The following FLYWCH1 variants were observed in gnomAD, a reference collection of about 807,000 sequenced individuals.
FLYWCH1 encodes the protein FLYWCH-type zinc finger 1, also known as FLYWCH-type zinc finger-containing protein 1.
A neutral mutation model predicts 66.4 loss-of-function variants in FLYWCH1; 75 were observed. The observed-to-expected ratio is 1.13, with a 90% CI of 0.94 to 1.37. FLYWCH1 has a LOEUF of 1.37. FLYWCH1 is among the 40% of genes most tolerant of loss of function. FLYWCH1 has a pLI of 0.00. For missense variants in FLYWCH1, 1,334 were observed against 1,001.8 expected, an observed-to-expected ratio of 1.33 and a Z score of -4.48; for synonymous variants, 595 against 429.9, an observed-to-expected ratio of 1.38 and a Z score of -4.75.
chr16:2,946,238 C>T (rs1389424488), intron 9 of FLYWCH1, among the ~76,000 whole-genome samples: 1 of 151,530 alleles, frequency 6.6e-6, no homozygotes, highest in Non-Finnish European at 1.5e-5. Flanking sequence ...TAGGCCTCCA[C>T]GTTCACTCAC....
At chr16:2,936,200 C>T (rs1490764681) in intron 6 of FLYWCH1, 8 of 342,228 alleles carry the variant, frequency 2.3e-5, no homozygotes, top group African/African-American at 8.6e-5. Flanking sequence ...CGTGAGCCAC[C>T]GTGCGCAGCC....
intron 2 of FLYWCH1, among the ~76,000 whole-genome samples, chr16:2,918,336 A>T (rs1264449075): frequency 6.6e-6 from 1 of 151,056 alleles, no homozygotes; most frequent in Non-Finnish European, 1.5e-5. Flanking sequence ...TTTAGTAGAG[A>T]CGGGGTTTCA....
chr16:2,934,525 A>G, intron 6 of FLYWCH1: 1 of 407,296 alleles, frequency 2.5e-6, no homozygotes, highest in Non-Finnish European at 4.9e-6. Flanking sequence ...CTTCACAACC[A>G]CAGTTGCGTA....
chr16:2,944,917 G>A (rs556794292), intron 9 of FLYWCH1, among the ~76,000 whole-genome samples: 1 of 152,260 alleles, frequency 6.6e-6, no homozygotes, highest in East Asian at 1.9e-4. Flanking sequence ...TGTCGTCATA[G>A]GAGATGACAG....
chr16:2,929,957 T>A lies in FLYWCH1; in HGVS notation c.272T>A (p.Val91Glu). The change falls in exon 3 of 10, where the codon GTG becomes GAG. Residue 91 changes from valine (V) to glutamate (E), a missense_variant. By Grantham distance (121) the Val-to-Glu change is moderately radical (BLOSUM62 -2). Transcript: ENST00000253928. ...CTGCCAGTTGAGGAGCAGGGAGGGG[T>A]GGTCCAGCCAGCCCTAGAGATGCCT... is the stretch of plus-strand genomic sequence containing the variant. ...QILPVEEQGG[V>E]VQPALEMPEQ... 1.2e-6 allele frequency: 2 copies of A among 1,612,806 alleles called. No homozygotes were observed. Among genetic ancestry groups the A allele is most frequent in the Non-Finnish European group, 1.7e-6 (2 of 1,179,532 alleles).
In FLYWCH1 at chr16:2,940,091, G is replaced by A. The variant is rs191863105; in HGVS notation, c.2110G>A (p.Gly704Arg). Residue 704 changes from glycine to arginine, a missense_variant and splice_region_variant, in exon 9 of 10, where the codon GGG (glycine) becomes AGG (arginine). Gly to Arg is a moderately radical substitution (Grantham distance 125). Coordinates refer to ENST00000253928, the MANE Select transcript of FLYWCH1 (RefSeq NM_001308068.2). Reference sequence around the variant, plus strand: ...TTCTCCTGAAAGCCAGCAGATTTATGGGTAATTGTATTTGTTATCTAATGG... The same window carrying A: ...TTCTCCTGAAAGCCAGCAGATTTATAGGTAATTGTATTTGTTATCTAATGG... ...TCSPESQQIY[G>R]DIKDVRLDGE... 32 of 1,305,800 alleles carry A rather than the reference G, an allele frequency of 2.5e-5. No individual in the cohort carries two copies. In the Admixed American group the frequency reaches 4.9e-4, roughly 20 times the overall value. The allele number at this position is 1,305,800 out of a possible 1,614,324, so 80.9% of individuals were successfully genotyped here. A position where few individuals can be genotyped will look rare whatever the true frequency, so the allele number is the denominator to read the frequency against.
intron 6 of FLYWCH1, chr16:2,934,586 A>G (rs1390605637): frequency 4.4e-6 from 2 of 453,156 alleles, no homozygotes; most frequent in Admixed American, 2.4e-5. Context: ...GGCCTCCTCC[A>G]CTCACCTGCT....
rs781002956 is a variant in FLYWCH1 at position 2,938,191 on chromosome 16, C to T, written c.1785C>T (p.Leu595=). 1.9e-6 allele frequency: 3 copies of T among 1,612,224 alleles called. No homozygotes were observed. The highest frequency in any genetic ancestry group is 2.2e-5 in the East Asian group (1 of 44,852). Residue 595 remains leucine (L), a synonymous_variant, in exon 8 of 10, where the codon CTC becomes CTT. Transcript: ENST00000253928. ...NLAQWDSPDP[L]RPLEFLRTSL... ...TGTCACTTTCCCTTTCAGATCCTCT[C>T]CGGCCCCTGGAGTTCCTGAGGACTT...
In FLYWCH1 at chr16:2,933,117, G is replaced by C. The variant is rs372673554; in HGVS notation, c.797-13G>C. The C allele has an allele frequency of 8.7e-6, 14 of 1,607,762 alleles. No individual in the cohort carries two copies. The highest frequency in any genetic ancestry group is 3.4e-5 in the Admixed American group (2 of 59,662). The stretch of plus-strand genomic sequence containing the variant: ...CACCCCTGGTGATGTGACCACTTGG[G>C]TCTCTCCTCTAGGACAGGCCCGGCC... On this transcript the variant is annotated splice_polypyrimidine_tract_variant and intron_variant, in intron 4 of 9. Transcript: ENST00000253928.
At chr16:2,937,759 T>C (rs191709840) in intron 7 of FLYWCH1, among the ~76,000 whole-genome samples, 3 of 152,210 alleles carry the variant, frequency 2.0e-5, no homozygotes, top group Admixed American at 6.5e-5. Flanking sequence ...GGGTTCTCTC[T>C]GGCCACCCCA....
intron 7 of FLYWCH1, 128 bp from the exon 8 acceptor site, chr16:2,938,056 G>C: frequency 1.1e-6 from 1 of 896,548 alleles, no homozygotes; most frequent in East Asian, 2.7e-5. Flanking sequence ...GGAGGGCAGG[G>C]ACCACCGTGC....
intron 8 of FLYWCH1, among the ~76,000 whole-genome samples, chr16:2,939,466 GAAGAA>G (rs1005939829): frequency 4.9e-5 from 7 of 143,936 alleles, no homozygotes; most frequent in Non-Finnish European, 1.1e-4. Flanking sequence ...CAAAAAAAGA[GAAGAA>G]AAGAAAACAG....
At chr16:2,923,992 G>A (rs1181749049) in intron 2 of FLYWCH1, among the ~76,000 whole-genome samples, 7 of 152,064 alleles carry the variant, frequency 4.6e-5, no homozygotes, top group Admixed American at 6.6e-5. Context: ...AGCTGAGATC[G>A]TGCCACTGCA....
At position 2,933,201 on chromosome 16, in the gene FLYWCH1, T is replaced by C; in HGVS notation, c.868T>C (p.Tyr290His). 3 of 1,613,650 alleles carry C rather than the reference T, an allele frequency of 1.9e-6. No individual in the cohort carries two copies. Among genetic ancestry groups the C allele is most frequent in the Non-Finnish European group, 2.5e-6 (3 of 1,179,820 alleles). ...CTTCCTGGTACACGAGTCGTTCCTC[T>C]ACAAGCGGGAGAAGGCTGTCGGGGA... ...GSFLVHESFL[Y>H]KREKAVGDKV... The change falls in exon 5 of 10, where the codon TAC becomes CAC. Residue 290 changes from tyrosine (Y) to histidine (H), a missense_variant. By Grantham distance (83) the Tyr-to-His change is moderately conservative. Coordinates refer to ENST00000253928, the MANE Select transcript of FLYWCH1 (RefSeq NM_001308068.2).
chr16:2,947,908 G>T (rs2071551360), intron 9 of FLYWCH1, among the ~76,000 whole-genome samples: 1 of 151,302 alleles, frequency 6.6e-6, no homozygotes, highest in East Asian at 1.9e-4. Flanking sequence ...AGATGTGGTG[G>T]TGTGCACCTG....
At chr16:2,923,223 G>C (rs560556007) in intron 2 of FLYWCH1, 1 of 323,938 alleles carries the variant, frequency 3.1e-6, no homozygotes, top group Admixed American at 3.6e-5. Flanking sequence ...TTCGCTTTCA[G>C]CGCCATCTTG....
rs966186197 is a variant in FLYWCH1 at position 2,946,433 on chromosome 16, T to G, written c.2112-2255T>G. On this transcript the variant is annotated intron_variant, in intron 9 of 9. Coordinates refer to ENST00000253928, the MANE Select transcript of FLYWCH1 (RefSeq NM_001308068.2). ...GCCTCCCAGGTTCAAGCGATTCTCCTCCCTCAGCCCCCTGAGTAGCTCGGA... is the reference window on the plus strand; with the variant it reads ...GCCTCCCAGGTTCAAGCGATTCTCCGCCCTCAGCCCCCTGAGTAGCTCGGA... Among the ~76,000 whole-genome samples, 7 of 147,462 alleles carry G rather than the reference T, an allele frequency of 4.7e-5. 1 individual carries two copies. The highest frequency in any genetic ancestry group is 1.8e-4 in the African/African-American group (7 of 39,912).
chr16:2,936,321 G>A (rs1003702628), intron 6 of FLYWCH1: 11 of 446,466 alleles, frequency 2.5e-5, no homozygotes, highest in Middle Eastern at 3.4e-4. Flanking sequence ...CTTCTGTCTC[G>A]TGGTCCCCAG....
chr16:2,932,270 CAAAA>C lies in FLYWCH1; in HGVS notation c.797-837_797-834del, dbSNP rs71158125. Among the ~76,000 whole-genome samples the C allele has an allele frequency of 2.6e-3, 143 of 55,298 alleles. No homozygotes were observed. The South Asian group carries it at 0.058, about 23-fold the overall frequency. The allele number at this position is 55,298 out of a possible 152,430, so 36.3% of individuals were successfully genotyped here. Reference sequence around the variant, plus strand: ...TGGGCGACGTGGCAGGACCCTGTCTCAAAAAAAAAAAAAAAAAAAAAAAAAAGAT... The same window carrying C: ...TGGGCGACGTGGCAGGACCCTGTCTCAAAAAAAAAAAAAAAAAAAAAAGAT... On this transcript the variant is annotated intron_variant, in intron 4 of 9. Transcript: ENST00000253928.
Sources: gnomAD v4.1 joint callset for allele counts (sites outside exome capture counted in the v4.1 genomes callset) on GRCh38, gnomAD v4.1.1 for gene constraint, MANE v1.5 for transcripts, NCBI Gene and HGNC (gene_info 2026-07-23, HGNC 2026-07-21) for gene names.